Variants in SGCZ observed in about 807,000 individuals in gnomAD.
The protein encoded by SGCZ is zeta-sarcoglycan.
Under a neutral mutation model 41.3 loss-of-function variants are expected in SGCZ, and 40 were observed. The observed-to-expected ratio is 0.97, with a 90% CI of 0.75 to 1.26. SGCZ has a LOEUF of 1.26. Ranked by LOEUF, SGCZ falls within the 50% of genes most tolerant of loss-of-function variation. The pLI is 0.00. For synonymous variants in SGCZ, 206 were observed against 137.5 expected (o/e 1.50, Z -3.49); for missense variants, 552 against 369.8 (o/e 1.49, Z -4.04).
intron 2 of SGCZ, among the ~76,000 whole-genome samples, chr8:14,384,882 T>C (rs1804512126): frequency 6.6e-6 from 1 of 152,194 alleles, no homozygotes; most frequent in Admixed American, 6.5e-5. Context: ...GCAATTCTTA[T>C]TTGTAAGTCC....
chr8:14,926,374 A>C (rs560306790), intron 1 of SGCZ, among the ~76,000 whole-genome samples: 1 of 152,340 alleles, frequency 6.6e-6, no homozygotes, highest in African/African-American at 2.4e-5. Flanking sequence ...GTAAATACTT[A>C]TAGAACCATC....
intron 1 of SGCZ, among the ~76,000 whole-genome samples, chr8:14,575,266 T>A (rs1474708096): frequency 6.6e-6 from 1 of 152,118 alleles, no homozygotes; most frequent in South Asian, 2.1e-4. Flanking sequence ...TGGAATATAA[T>A]AGAGATTCCA....
intron 2 of SGCZ, among the ~76,000 whole-genome samples, chr8:14,345,150 AGTAAAATACCC>A (rs1485824069): frequency 6.6e-6 from 1 of 152,168 alleles, no homozygotes; most frequent in Non-Finnish European, 1.5e-5. Context: ...AGAAAAGGAT[AGTAAAATACCC>A]GTAAACTTAT....
At chr8:15,219,790 A>G (rs780420976) in intron 1 of SGCZ, among the ~76,000 whole-genome samples, 21 of 152,200 alleles carry the variant, frequency 1.4e-4, no homozygotes, top group Non-Finnish European at 2.6e-4. Context: ...TTGAAGGCGA[A>G]ATAGCAGTGA....
intron 1 of SGCZ, among the ~76,000 whole-genome samples, chr8:15,188,359 A>G (rs1289636023): frequency 6.6e-6 from 1 of 152,146 alleles, no homozygotes; most frequent in Non-Finnish European, 1.5e-5. Flanking sequence ...ACATATTGTC[A>G]ACTATATTTT....
At chr8:15,211,030 TATATAG>T (rs71211019) in intron 1 of SGCZ, among the ~76,000 whole-genome samples, 4 of 147,202 alleles carry the variant, frequency 2.7e-5, no homozygotes, top group African/African-American at 7.4e-5. Flanking sequence ...GATATATACA[TATATAG>T]ATATAGATAT....
chr8:14,613,676 A>G (rs1324835549), intron 1 of SGCZ, among the ~76,000 whole-genome samples: 1 of 152,222 alleles, frequency 6.6e-6, no homozygotes, highest in East Asian at 1.9e-4. Context: ...CTACTGTTAA[A>G]ATAATTGCAT....
At chr8:14,937,552 A>G (rs983529399) in intron 1 of SGCZ, among the ~76,000 whole-genome samples, 1 of 152,084 alleles carries the variant, frequency 6.6e-6, no homozygotes, top group Non-Finnish European at 1.5e-5. Flanking sequence ...CCAAGGAAGA[A>G]AAATTTGAGA....
chr8:15,135,738 G>C (rs1053184456), intron 1 of SGCZ, among the ~76,000 whole-genome samples: 1 of 152,040 alleles, frequency 6.6e-6, no homozygotes, highest in Non-Finnish European at 1.5e-5. Context: ...GGCTTGGCCT[G>C]GGATGGTTCT....
intron 1 of SGCZ, among the ~76,000 whole-genome samples, chr8:15,067,683 A>G (rs1805203955): frequency 6.6e-6 from 1 of 152,160 alleles, no homozygotes; most frequent in Admixed American, 6.5e-5. Flanking sequence ...TTACCCTTAT[A>G]TTAACCTCTA....
intron 5 of SGCZ, among the ~76,000 whole-genome samples, chr8:14,130,542 G>A (rs1436448936): frequency 6.6e-6 from 1 of 152,154 alleles, no homozygotes; most frequent in African/African-American, 2.4e-5. Flanking sequence ...ACTGCCTGAA[G>A]AAGAAGGCTA....
intron 1 of SGCZ, among the ~76,000 whole-genome samples, chr8:14,721,161 G>C (rs2089749): frequency 0.73 from 110,688 of 151,966 alleles, 40,402 homozygotes; most frequent in Admixed American, 0.77. Flanking sequence ...CTGAGTACTC[G>C]AAAGTTCAGT....
At chr8:15,193,019 A>G (rs1036985378) in intron 1 of SGCZ, among the ~76,000 whole-genome samples, 1 of 152,088 alleles carries the variant, frequency 6.6e-6, no homozygotes, top group African/African-American at 2.4e-5. Flanking sequence ...ACCACTACTG[A>G]AGTTTTACCA....
At chr8:15,076,754 A>ATTTTT (rs35515934) in intron 1 of SGCZ, among the ~76,000 whole-genome samples, 1 of 133,576 alleles carries the variant, frequency 7.5e-6, no homozygotes. Flanking sequence ...AGTCTCTCTC[A>ATTTTT]TTTTTTTTTT....
chr8:14,722,460 TAAAAC>T (rs1473221998), intron 1 of SGCZ, among the ~76,000 whole-genome samples: 1 of 152,002 alleles, frequency 6.6e-6, no homozygotes, highest in African/African-American at 2.4e-5. Flanking sequence ...ATTATTATAA[TAAAAC>T]AAAATATTGC....
At chr8:14,176,050 C>A (rs1244362992) in intron 4 of SGCZ, among the ~76,000 whole-genome samples, 1 of 151,986 alleles carries the variant, frequency 6.6e-6, no homozygotes, top group Non-Finnish European at 1.5e-5. Context: ...AAACACAAAG[C>A]AACATTGGAC....
intron 5 of SGCZ, among the ~76,000 whole-genome samples, chr8:14,150,931 C>G (rs184170173): frequency 1.3e-5 from 2 of 152,274 alleles, no homozygotes; most frequent in East Asian, 3.9e-4. Context: ...CACAGAAAGA[C>G]AAACATCACA....
intron 2 of SGCZ, among the ~76,000 whole-genome samples, chr8:14,401,643 T>G (rs1799079837): frequency 6.6e-6 from 1 of 151,806 alleles, no homozygotes; most frequent in South Asian, 2.1e-4. Flanking sequence ...CTGCATAGTA[T>G]TCCATGGTGT....
rs373881259 is a variant in SGCZ at position 14,827,721 on chromosome 8, C to T, written c.40-272795G>A. Among the ~76,000 whole-genome samples, 14 of 152,284 alleles carry T rather than the reference C, an allele frequency of 9.2e-5. No homozygotes were observed. In the East Asian group the frequency reaches 1.7e-3, roughly 19 times the overall value. ...CCCTTTACAGAAAGCATTTGCCAAC[C>T]TCAACTCTAATGCAATGACAGAATA... On this transcript the variant is annotated intron_variant, in intron 1 of 7. Coordinates refer to ENST00000382080, the MANE Select transcript of SGCZ (RefSeq NM_139167.4).
Sources: gnomAD v4.1 joint callset for allele counts (sites outside exome capture counted in the v4.1 genomes callset) on GRCh38, gnomAD v4.1.1 for gene constraint, MANE v1.5 for transcripts, NCBI Gene and HGNC (gene_info 2026-07-23, HGNC 2026-07-21) for gene names.